The following TXNL1 variants were observed in gnomAD, a reference collection of about 807,000 sequenced individuals.
TXNL1 encodes the protein thioredoxin like 1.
Under a neutral mutation model 35.5 loss-of-function variants are expected in TXNL1, and 14 were observed. That is an observed-to-expected ratio of 0.39 (90% CI 0.26 to 0.62). The LOEUF (loss-of-function observed/expected upper bound fraction) is 0.62. TXNL1 is among the 20% of genes least tolerant of loss of function. The pLI is 0.47. For missense variants in TXNL1, 263 were observed against 349.7 expected (o/e 0.75, Z 1.98); for synonymous variants, 110 against 115.5 (o/e 0.95, Z 0.31).
intron 4 of TXNL1, among the ~76,000 whole-genome samples, chr18:56,616,926 T>C (rs1220824552): frequency 6.6e-6 from 1 of 152,180 alleles, no homozygotes; most frequent in African/African-American, 2.4e-5. Flanking sequence ...TTCTGGATCA[T>C]TTGCTCAATC....
intron 1 of TXNL1, among the ~76,000 whole-genome samples, chr18:56,630,893 CTT>C (rs754654645): frequency 7.0e-6 from 1 of 142,724 alleles, no homozygotes. Context: ...TTTCTTTTTT[CTT>C]TTTTTTTTTA....
intron 7 of TXNL1, 28 bp downstream of exon 7, chr18:56,610,965 T>C: frequency 7.2e-7 from 1 of 1,386,962 alleles, no homozygotes; most frequent in South Asian, 1.3e-5. Flanking sequence ...ATTTTTACTA[T>C]CCCGAAGTAT....
chr18:56,631,657 G>A (rs1003864328), intron 1 of TXNL1, among the ~76,000 whole-genome samples: 2 of 152,242 alleles, frequency 1.3e-5, no homozygotes, highest in Non-Finnish European at 2.9e-5. Context: ...AGTGGCTCAC[G>A]CCTGTAATCC....
intron 7 of TXNL1, chr18:56,610,061 G>A (rs947928989): frequency 2.6e-5 from 4 of 152,158 alleles, no homozygotes; most frequent in Non-Finnish European, 5.9e-5. Flanking sequence ...GAGTGCTCAA[G>A]ATGTTCTCCA....
At chr18:56,633,445 T>TCAAA (rs1344928212) in intron 1 of TXNL1, among the ~76,000 whole-genome samples, 1 of 26,184 alleles carries the variant, frequency 3.8e-5, no homozygotes, top group Non-Finnish European at 9.0e-5. Flanking sequence ...AGACTCTGTC[T>TCAAA]CAAAAAAAAA....
rs536805978 is a variant in TXNL1, at chr18:56,636,216, T to C, written c.98+2127A>G. 9.2e-5 allele frequency among the ~76,000 whole-genome samples: 14 copies of C among 151,942 alleles called. No individual in the cohort carries two copies. In the East Asian group the frequency reaches 2.7e-3, roughly 29 times the overall value. ...ATTTAGACTGAGAGTGCATAAAGCA[T>C]AGAGGTTAAAAAAAAAGAAAAAAGG... On this transcript the variant is annotated intron_variant, in intron 1 of 7. Coordinates refer to ENST00000217515, the MANE Select transcript of TXNL1 (RefSeq NM_004786.3).
intron 7 of TXNL1, chr18:56,609,258 T>C (rs2023952158): frequency 6.6e-6 from 1 of 152,118 alleles, no homozygotes; most frequent in Non-Finnish European, 1.5e-5. Flanking sequence ...AATGAATAAA[T>C]GGCTGTTATA....
intron 6 of TXNL1, among the ~76,000 whole-genome samples, chr18:56,611,596 A>G (rs1203625148): frequency 6.6e-6 from 1 of 152,054 alleles, no homozygotes; most frequent in Non-Finnish European, 1.5e-5. Flanking sequence ...TTGCCCTGCT[A>G]TTCTCACTTT....
At chr18:56,606,323 G>A (rs2023892619) in intron 7 of TXNL1, among the ~76,000 whole-genome samples, 1 of 150,652 alleles carries the variant, frequency 6.6e-6, no homozygotes, top group African/African-American at 2.5e-5. Context: ...CTTGCAGTGA[G>A]CCGAGATCAC....
intron 7 of TXNL1, among the ~76,000 whole-genome samples, chr18:56,606,863 T>C (rs2023904825): frequency 6.6e-6 from 1 of 152,220 alleles, no homozygotes; most frequent in Non-Finnish European, 1.5e-5. Context: ...TATGGTGCAG[T>C]ACAATAAGAT....
Position 56,638,446 on chromosome 18 carries a change from CAGAG to C in TXNL1, c.-10_-7del, listed in dbSNP as rs1361394823. ...ACGGGCTTCACCCCCACCATCCTCA[CAGAG>C]AGCCCGGCAGGGTGGCCGCGACGCC... On this transcript the variant is annotated 5_prime_UTR_variant, in exon 1 of 8. Transcript: ENST00000217515. The C allele has an allele frequency of 1.9e-6, 3 of 1,610,692 alleles. No homozygotes were observed. Among genetic ancestry groups the C allele is most frequent in the Non-Finnish European group, 2.5e-6 (3 of 1,177,870 alleles).
intron 1 of TXNL1, among the ~76,000 whole-genome samples, chr18:56,626,797 C>CTTTTTTTTTTTTTTTTTTTTTTTTTTTT (rs386387792): frequency 1.8e-5 from 1 of 55,010 alleles, no homozygotes; most frequent in African/African-American, 6.8e-5. Flanking sequence ...CCAAGCCGGT[C>CTTTTTTTTTTTTTTTTTTTTTTTTTTTT]TTTTTTTTTT....
At chr18:56,626,034 C>A in intron 2 of TXNL1, 1 of 266,294 alleles carries the variant, frequency 3.8e-6, no homozygotes, top group Non-Finnish European at 6.2e-6. Flanking sequence ...TATATAATGC[C>A]AATACCTCGG....
chr18:56,623,259 CT>C (rs1188834669), intron 3 of TXNL1, among the ~76,000 whole-genome samples: 3 of 152,116 alleles, frequency 2.0e-5, no homozygotes, highest in African/African-American at 4.8e-5. Flanking sequence ...GAAACCTCGT[CT>C]CTACGAAAAA....
At chr18:56,633,480 A>G (rs1444280070) in intron 1 of TXNL1, among the ~76,000 whole-genome samples, 1 of 150,412 alleles carries the variant, frequency 6.6e-6, no homozygotes, top group Non-Finnish European at 1.5e-5. Context: ...TTAGCCAGGC[A>G]TAGTGGTGCG....
intron 3 of TXNL1, among the ~76,000 whole-genome samples, chr18:56,620,837 T>A (rs2024167646): frequency 6.6e-6 from 1 of 152,206 alleles, no homozygotes; most frequent in Non-Finnish European, 1.5e-5. Context: ...AGACCTCTAG[T>A]TACAGATAAA....
chr18:56,626,096 A>G, intron 2 of TXNL1: 2 of 872,048 alleles, frequency 2.3e-6, no homozygotes, highest in South Asian at 4.2e-5. Flanking sequence ...TGTAATACAC[A>G]GAACTGCTAG....
chr18:56,619,537 C>CAA (rs71169375), intron 3 of TXNL1, among the ~76,000 whole-genome samples: 14 of 82,040 alleles, frequency 1.7e-4, no homozygotes, highest in African/African-American at 4.0e-4. Flanking sequence ...ACTCTGTCTC[C>CAA]AAAAAAAAAA....
intron 7 of TXNL1, among the ~76,000 whole-genome samples, chr18:56,607,384 TGGGTTTAA>T (rs1336273801): frequency 6.6e-6 from 1 of 151,798 alleles, no homozygotes; most frequent in Non-Finnish European, 1.5e-5. Flanking sequence ...CCTGAACTCC[TGGGTTTAA>T]GTGATCTTCT....
Sources: allele counts gnomAD v4.1 joint callset (sites outside exome capture counted in the v4.1 genomes callset), GRCh38; gene constraint gnomAD v4.1.1; transcripts MANE v1.5; gene names NCBI Gene and HGNC (gene_info 2026-07-23, HGNC 2026-07-21).